The following ODAD2 variants were observed in gnomAD, a reference collection of about 807,000 sequenced individuals.
ODAD2 encodes the protein outer dynein arm docking complex subunit 2, also known as outer dynein arm-docking complex subunit 2.
Under a neutral mutation model 106.8 loss-of-function variants are expected in ODAD2, and 89 were observed. The observed-to-expected ratio is 0.83, with a 90% CI of 0.70 to 0.99. The LOEUF (loss-of-function observed/expected upper bound fraction) is 0.99, where lower values mean the gene tolerates loss of function less well. Ranked by LOEUF, ODAD2 falls within the 50% of genes least tolerant of loss-of-function variation. ODAD2 has a pLI of 0.00. For missense variants in ODAD2, 1,168 were observed against 1,238.5 expected (o/e 0.94, Z 0.85); for synonymous variants, 404 against 436.2 (o/e 0.93, Z 0.92).
At chr10:27,988,438 A>G (rs567036577) in intron 2 of ODAD2, among the ~76,000 whole-genome samples, 1 of 151,352 alleles carries the variant, frequency 6.6e-6, no homozygotes, top group East Asian at 2.0e-4. Flanking sequence ...CCGGAGCTCA[A>G]GCAATCCTCC....
chr10:27,900,006 T>G (rs1038765284), intron 17 of ODAD2, among the ~76,000 whole-genome samples: 7 of 152,136 alleles, frequency 4.6e-5, no homozygotes, highest in Non-Finnish European at 8.8e-5. Flanking sequence ...CTGACCCCAG[T>G]GCCTCCTGAC....
intron 16 of ODAD2, among the ~76,000 whole-genome samples, chr10:27,923,721 G>A (rs1283546002): frequency 6.6e-6 from 1 of 151,942 alleles, no homozygotes; most frequent in East Asian, 1.9e-4. Context: ...GCCAATGGGG[G>A]ATAATCACTT....
At chr10:27,896,211 A>ATAT (rs1164413315) in intron 17 of ODAD2, among the ~76,000 whole-genome samples, 1 of 152,240 alleles carries the variant, frequency 6.6e-6, no homozygotes, top group Non-Finnish European at 1.5e-5. Flanking sequence ...TTGTCCCTGC[A>ATAT]TATTTAGTTA....
intron 10 of ODAD2, among the ~76,000 whole-genome samples, chr10:27,956,275 T>A (rs1847727183): frequency 6.6e-6 from 1 of 152,072 alleles, no homozygotes; most frequent in African/African-American, 2.4e-5. Context: ...TCTTTCCAAA[T>A]CAATGCTTTC....
chr10:27,936,717 T>C lies in ODAD2; in HGVS notation c.2252+9A>G. 1 of 1,613,836 alleles carries C rather than the reference T, an allele frequency of 6.2e-7. No homozygotes were observed. The highest frequency in any genetic ancestry group is 8.5e-7 in the Non-Finnish European group (1 of 1,179,838). On this transcript the variant is annotated intron_variant, in intron 15 of 19. Coordinates refer to ENST00000305242, the MANE Select transcript of ODAD2 (RefSeq NM_018076.5). Reference sequence around the variant, plus strand: ...TCTTCATTTCAGAATATTGAGAGCCTTCTCTTACTTGGTAACATTCTCTTT... The same window carrying C: ...TCTTCATTTCAGAATATTGAGAGCCCTCTCTTACTTGGTAACATTCTCTTT...
chr10:27,845,905 G>A (rs1159209235), intron 19 of ODAD2, among the ~76,000 whole-genome samples: 1 of 152,156 alleles, frequency 6.6e-6, no homozygotes, highest in East Asian at 1.9e-4. Context: ...CAATACAGGA[G>A]CACCCAGATT....
intron 12 of ODAD2, among the ~76,000 whole-genome samples, chr10:27,943,840 A>T (rs1846648098): frequency 7.1e-6 from 1 of 141,828 alleles, no homozygotes; most frequent in South Asian, 2.3e-4. Flanking sequence ...GGCATCATAG[A>T]TGTCAACAGC....
chr10:27,956,936 T>G (rs1588606607), intron 10 of ODAD2: 1 of 152,312 alleles, frequency 6.6e-6, no homozygotes, highest in East Asian at 1.9e-4. Flanking sequence ...AAACAAAATA[T>G]CCTACATCCC....
At chr10:27,830,442 T>C (rs1381660005) in intron 19 of ODAD2, among the ~76,000 whole-genome samples, 3 of 152,228 alleles carry the variant, frequency 2.0e-5, no homozygotes, top group African/African-American at 7.2e-5. Context: ...CTACCGAGTT[T>C]TATGTGGCTG....
At chr10:27,823,578 T>C (rs1836782001) in intron 19 of ODAD2, among the ~76,000 whole-genome samples, 1 of 152,170 alleles carries the variant, frequency 6.6e-6, no homozygotes, top group African/African-American at 2.4e-5. Flanking sequence ...GGAAACGTAA[T>C]GTAAAGTGCT....
intron 12 of ODAD2, 87 bp downstream of exon 12, chr10:27,944,135 T>A: frequency 8.5e-7 from 1 of 1,182,710 alleles, no homozygotes; most frequent in Non-Finnish European, 1.2e-6. Flanking sequence ...GGCTATGGAA[T>A]TTCCAGCGTG....
chr10:27,958,332 A>C (rs1399977666), intron 10 of ODAD2, among the ~76,000 whole-genome samples: 1 of 151,910 alleles, frequency 6.6e-6, no homozygotes, highest in Non-Finnish European at 1.5e-5. Context: ...AGTTGAAAAA[A>C]CTCAAGACAG....
chr10:27,883,064 A>C (rs1857617), intron 17 of ODAD2, among the ~76,000 whole-genome samples: 77,964 of 151,580 alleles, frequency 0.51, 22,341 homozygotes, highest in Middle Eastern at 0.68. Flanking sequence ...GGAATCTAAA[A>C]GGCTACATAC....
rs577576388 is a variant in ODAD2, at chr10:27,998,201, G to GC, written c.-39+792dup. Among the ~76,000 whole-genome samples, 8 of 152,310 alleles carry GC rather than the reference G, an allele frequency of 5.3e-5. No individual in the cohort carries two copies. In the East Asian group the frequency reaches 1.3e-3, roughly 26 times the overall value. On this transcript the variant is annotated intron_variant, in intron 1 of 19. Coordinates refer to ENST00000305242, the MANE Select transcript of ODAD2 (RefSeq NM_018076.5). Reference sequence around the variant, plus strand: ...TTGGTAACATCCACGGGGAGTCCGCGCATACACTGCTTTCTGAGAATGCAG... The same window carrying GC: ...TTGGTAACATCCACGGGGAGTCCGCGCCATACACTGCTTTCTGAGAATGCAG...
At chr10:27,882,173 AAAAGAAAGAAAGAAAGAAAG>A (rs377482668) in intron 17 of ODAD2, among the ~76,000 whole-genome samples, 12 of 109,748 alleles carry the variant, frequency 1.1e-4, no homozygotes, top group South Asian at 6.9e-4. Context: ...GTCATAAAAA[AAAAGAAAGAAAGAAAGAAAG>A]AAAGAAAGAA....
intron 2 of ODAD2, among the ~76,000 whole-genome samples, chr10:27,989,779 C>T (rs1379113536): frequency 1.3e-5 from 2 of 151,840 alleles, no homozygotes; most frequent in Non-Finnish European, 2.9e-5. Flanking sequence ...GCCCGGGAGG[C>T]GGGAGGATGC....
rs148695637 is a variant in ODAD2 at position 27,983,309 on chromosome 10, C to T, written c.819+534G>A. On this transcript the variant is annotated intron_variant, in intron 6 of 19. Coordinates refer to ENST00000305242, the MANE Select transcript of ODAD2 (RefSeq NM_018076.5). ...ATGAGCATTAACTGGGCAGTGCCCA[C>T]TCTTCAGAGATCTGGAGCCCTGCCT... Among the ~76,000 whole-genome samples, 925 of 152,322 alleles carry T rather than the reference C, an allele frequency of 6.1e-3. 7 individuals carry two copies. The highest frequency in any genetic ancestry group is 9.6e-3 in the Non-Finnish European group (652 of 68,028).
intron 12 of ODAD2, among the ~76,000 whole-genome samples, chr10:27,943,417 T>C (rs964674284): frequency 4.6e-5 from 7 of 152,052 alleles, no homozygotes; most frequent in Admixed American, 1.3e-4. Context: ...AAAACTGGGA[T>C]CATAGATAAC....
intron 2 of ODAD2, among the ~76,000 whole-genome samples, chr10:27,990,661 A>G (rs1850173492): frequency 6.6e-6 from 1 of 152,240 alleles, no homozygotes; most frequent in Non-Finnish European, 1.5e-5. Context: ...TTGTCTCATA[A>G]AACAATATTA....
Sources: allele counts gnomAD v4.1 joint callset (sites outside exome capture counted in the v4.1 genomes callset), GRCh38; gene constraint gnomAD v4.1.1; transcripts MANE v1.5; gene names NCBI Gene and HGNC (gene_info 2026-07-23, HGNC 2026-07-21).